GOLM2: variants seen among roughly 807,000 people sequenced by gnomAD.
GOLM2 encodes golgi membrane protein 2.
GOLM2 carries 26 observed loss-of-function variants against 55.9 expected under a neutral mutation model. The ratio of observed to expected loss-of-function variants is 0.47; its 90% CI spans 0.34 to 0.65. GOLM2 has a LOEUF of 0.65. Ranked by LOEUF, GOLM2 falls within the 30% of genes least tolerant of loss-of-function variation. The pLI is 0.01. For synonymous variants in GOLM2, 165 were observed against 194.6 expected (o/e 0.85, Z 1.27); for missense variants, 486 against 531.8 (o/e 0.91, Z 0.85).
chr15:44,319,738 C>G (rs1180922238), intron 1 of GOLM2, among the ~76,000 whole-genome samples: 1 of 152,158 alleles, frequency 6.6e-6, no homozygotes, highest in African/African-American at 2.4e-5. Flanking sequence ...TAGGCATGCA[C>G]CACTGTGCCT....
intron 6 of GOLM2, among the ~76,000 whole-genome samples, chr15:44,365,003 T>C (rs1270044963): frequency 2.0e-5 from 3 of 152,176 alleles, no homozygotes; most frequent in African/African-American, 7.2e-5. Flanking sequence ...TTAAACTTAC[T>C]TTGACCGTAT....
intron 6 of GOLM2, among the ~76,000 whole-genome samples, chr15:44,370,784 T>C (rs1329602576): frequency 6.6e-6 from 1 of 152,136 alleles, no homozygotes; most frequent in Non-Finnish European, 1.5e-5. Context: ...CCTTTGCCTC[T>C]GAGTATCTGG....
At position 44,347,839 on chromosome 15, in the gene GOLM2, G is replaced by A. The variant is rs936011121; in HGVS notation, c.802+9522G>A. ...CGGACAGGAAAGGGAAGAGTAAAGA[G>A]GACTTCATTTTGCAACTTGAATACC... On this transcript the variant is annotated intron_variant, in intron 6 of 9. Coordinates refer to ENST00000299957, the MANE Select transcript of GOLM2 (RefSeq NM_138423.4). 2.6e-5 allele frequency among the ~76,000 whole-genome samples: 4 copies of A among 152,106 alleles called. No homozygotes were observed. The East Asian group carries it at 7.7e-4, about 29-fold the overall frequency.
chr15:44,327,383 T>C (rs2078991188), intron 2 of GOLM2, among the ~76,000 whole-genome samples: 1 of 151,902 alleles, frequency 6.6e-6, no homozygotes, highest in Admixed American at 6.5e-5. Context: ...AGTGAGACCA[T>C]CTCTATAAAT....
intron 5 of GOLM2, 39 bp downstream of exon 5, chr15:44,337,946 A>T: frequency 6.5e-7 from 1 of 1,532,864 alleles, no homozygotes; most frequent in Non-Finnish European, 8.8e-7. Flanking sequence ...TATTAATAGG[A>T]TATTGACTTT....
At chr15:44,291,246 T>C (rs933107403) in intron 1 of GOLM2, among the ~76,000 whole-genome samples, 4 of 152,120 alleles carry the variant, frequency 2.6e-5, no homozygotes, top group African/African-American at 9.7e-5. Flanking sequence ...TCTGAGTAGC[T>C]GGGACTGCAG....
At chr15:44,412,989 T>G (rs887697486) in intron 9 of GOLM2, among the ~76,000 whole-genome samples, 2 of 149,744 alleles carry the variant, frequency 1.3e-5, no homozygotes, top group Admixed American at 1.3e-4. Flanking sequence ...GGCAACGGAG[T>G]GAGAGTCGGT....
At chr15:44,384,918 A>T (rs1293806832) in intron 8 of GOLM2, among the ~76,000 whole-genome samples, 1 of 152,158 alleles carries the variant, frequency 6.6e-6, no homozygotes, top group Non-Finnish European at 1.5e-5. Flanking sequence ...AAAAAAAAAA[A>T]AAAAAATCAT....
In GOLM2 at chr15:44,366,814, A is replaced by G. The variant is rs1595651865; in HGVS notation, c.803-12876A>G. Among the ~76,000 whole-genome samples, 4 of 152,226 alleles carry G rather than the reference A, an allele frequency of 2.6e-5. No individual in the cohort carries two copies. In the South Asian group the frequency reaches 8.3e-4, roughly 32 times the overall value. ...GAATTCAAGGTTACAGTTCACTATA[A>G]TCATGCTACCCGTACTCCATTCTGG... On this transcript the variant is annotated intron_variant, in intron 6 of 9. Transcript: ENST00000299957.
chr15:44,314,236 CA>C lies in GOLM2; in HGVS notation c.328-8716del, dbSNP rs1238536916. Among the ~76,000 whole-genome samples, 470 of 121,518 alleles carry C rather than the reference CA, an allele frequency of 3.9e-3. 1 individual carries two copies. Among genetic ancestry groups the C allele is most frequent in the African/African-American group, 8.1e-3 (266 of 32,870 alleles). 79.7% of individuals were successfully genotyped at this position (121,518 alleles called of 152,430 possible). On this transcript the variant is annotated intron_variant, in intron 1 of 9. Coordinates refer to ENST00000299957, the MANE Select transcript of GOLM2 (RefSeq NM_138423.4). ...TGGGCAACAGAGCAAAACTCCGTCTCAAAAAAAAAAAAAGAAAAGAAAAGAA... is the reference window on the plus strand; with the variant it reads ...TGGGCAACAGAGCAAAACTCCGTCTCAAAAAAAAAAAAGAAAAGAAAAGAA...
intron 1 of GOLM2, among the ~76,000 whole-genome samples, chr15:44,311,292 C>A (rs1242775535): frequency 6.6e-6 from 1 of 152,092 alleles, no homozygotes; most frequent in East Asian, 1.9e-4. Context: ...ACAGGTTTTA[C>A]TTCCCTAAAT....
intron 1 of GOLM2, among the ~76,000 whole-genome samples, chr15:44,293,125 CTGGAAAATTAT>C (rs1384667931): frequency 6.6e-6 from 1 of 152,040 alleles, no homozygotes. Flanking sequence ...AGTTTTAGAT[CTGGAAAATTAT>C]TGGAAAATTA....
chr15:44,341,721 G>A (rs1486402940), intron 6 of GOLM2, among the ~76,000 whole-genome samples: 9 of 125,114 alleles, frequency 7.2e-5, no homozygotes, highest in African/African-American at 1.6e-4. Context: ...TTTTGAGACC[G>A]AGTTTCACTC....
At chr15:44,300,019 G>C (rs2078786219) in intron 1 of GOLM2, among the ~76,000 whole-genome samples, 1 of 148,562 alleles carries the variant, frequency 6.7e-6, no homozygotes, top group South Asian at 2.2e-4. Context: ...AGGATCACTT[G>C]AGCCCAGGAG....
intron 9 of GOLM2, among the ~76,000 whole-genome samples, chr15:44,410,711 C>T (rs948073764): frequency 5.5e-5 from 8 of 144,670 alleles, no homozygotes; most frequent in African/African-American, 2.0e-4. Context: ...GCCTGGGCAA[C>T]ATGGTGAAAC....
intron 6 of GOLM2, among the ~76,000 whole-genome samples, chr15:44,360,314 C>G (rs1308338355): frequency 6.6e-6 from 1 of 152,130 alleles, no homozygotes; most frequent in Non-Finnish European, 1.5e-5. Flanking sequence ...ACCCATCTCA[C>G]ATGCAGAGAC....
chr15:44,289,077 C>CGTGCTGGTGGTG lies in GOLM2; in HGVS notation c.49_60dup (p.Val17_Val20dup). On this transcript the variant is annotated inframe_insertion, in exon 1 of 10. Coordinates refer to ENST00000299957, the MANE Select transcript of GOLM2 (RefSeq NM_138423.4). The surrounding 1 kb of genome is among the most constrained non-coding windows in gnomAD (Gnocchi z 4.8). ...GGCGGGCTGGCCGCCTGCCCTCTCT[C>CGTGCTGGTGGTG]GTGCTGGTGGTGCTGCTGGTGGTGA... The CGTGCTGGTGGTG allele has an allele frequency of 6.2e-7, 1 of 1,614,072 alleles. No individual in the cohort carries two copies. The highest frequency in any genetic ancestry group is 8.5e-7 in the Non-Finnish European group (1 of 1,179,988).
At chr15:44,406,816 G>C (rs899945725) in intron 9 of GOLM2, 1 of 152,034 alleles carries the variant, frequency 6.6e-6, no homozygotes, top group Non-Finnish European at 1.5e-5. Context: ...CCAGCTGCAG[G>C]ATAAGATTCT....
At chr15:44,409,329 T>C (rs2079619545) in intron 9 of GOLM2, among the ~76,000 whole-genome samples, 1 of 149,788 alleles carries the variant, frequency 6.7e-6, no homozygotes, top group South Asian at 2.1e-4. Context: ...GGGTCATGCC[T>C]GTAATCTAGC....
Sources: gnomAD v4.1 joint callset for allele counts (sites outside exome capture counted in the v4.1 genomes callset) on GRCh38, gnomAD v4.1.1 for gene constraint, Gnocchi (gnomAD v3.1) non-coding constraint, MANE v1.5 for transcripts, NCBI Gene and HGNC (gene_info 2026-07-23, HGNC 2026-07-21) for gene names.